The following LIMD1 variants were observed in gnomAD, a reference collection of about 807,000 sequenced individuals.
LIMD1 encodes the protein LIM domain containing 1.
A neutral mutation model predicts 58.4 loss-of-function variants in LIMD1; 23 were observed. That is an observed-to-expected ratio of 0.39 (90% CI 0.28 to 0.56). The LOEUF is 0.56. Among genes scored for constraint, LIMD1 ranks in the 20% least tolerant of loss-of-function variants. The pLI, the probability that LIMD1 is intolerant of heterozygous loss-of-function variation, is 0.57. For synonymous variants in LIMD1, 334 were observed against 345.5 expected (o/e 0.97, Z 0.37); for missense variants, 838 against 855.5 (o/e 0.98, Z 0.25).
intron 2 of LIMD1, among the ~76,000 whole-genome samples, chr3:45,660,405 C>CTTTTT (rs869301368): frequency 3.7e-5 from 3 of 80,006 alleles, no homozygotes; most frequent in African/African-American, 4.7e-5. Flanking sequence ...GGTGGGCTGT[C>CTTTTT]TTTTTTTTTT....
chr3:45,665,493 G>A (rs1697504242), intron 2 of LIMD1, among the ~76,000 whole-genome samples, 157 bp from the exon 3 acceptor site: 1 of 152,110 alleles, frequency 6.6e-6, no homozygotes, highest in African/African-American at 2.4e-5. Context: ...TCTCGCCGAG[G>A]GCCACGGCAT....
rs1697765641 is a variant in LIMD1, at chr3:45,683,157, AT to A, written c.*6100del. ...ATCTAGAATAATCTCCCATTTTGTG[AT>A]TCTTAATAACATCTGCAAAGCCTCT... On this transcript the variant is annotated 3_prime_UTR_variant, in exon 8 of 8. Transcript: ENST00000273317. The A allele has an allele frequency of 6.6e-6, 1 of 152,200 alleles. No individual in the cohort carries two copies. Among genetic ancestry groups the A allele is most frequent in the African/African-American group, 2.4e-5 (1 of 41,426 alleles). 9.4% of individuals were successfully genotyped at this position (152,200 alleles called of 1,614,324 possible). A position where few individuals can be genotyped will look rare whatever the true frequency, so the allele number is the denominator to read the frequency against.
In LIMD1 at chr3:45,685,905, T is replaced by C. The variant is rs1295235032; in HGVS notation, c.*8846T>C. On this transcript the variant is annotated 3_prime_UTR_variant, in exon 8 of 8. Coordinates refer to ENST00000273317, the MANE Select transcript of LIMD1 (RefSeq NM_014240.3). ...CACCTAGCCTTGTTTCCACCTGAAT[T>C]GACTCTCCCTTAGCTAAGACAGCCA... 1 of 152,248 alleles carries C rather than the reference T, an allele frequency of 6.6e-6. No individual in the cohort carries two copies. The highest frequency in any genetic ancestry group is 1.9e-4 in the East Asian group (1 of 5,198). The allele number at this position is 152,248 out of a possible 1,614,324, so 9.4% of individuals were successfully genotyped here.
intron 1 of LIMD1, among the ~76,000 whole-genome samples, chr3:45,600,396 C>T (rs1575340734): frequency 6.6e-6 from 1 of 152,190 alleles, no homozygotes; most frequent in African/African-American, 2.4e-5. Context: ...TTTCCAGTTA[C>T]TGATTAACTT....
chr3:45,625,451 G>A (rs1701660899), intron 1 of LIMD1, among the ~76,000 whole-genome samples: 1 of 152,054 alleles, frequency 6.6e-6, no homozygotes, highest in South Asian at 2.1e-4. Context: ...ACACCTTCCT[G>A]CTGACTCTGG....
At position 45,595,093 on chromosome 3, in the gene LIMD1, A is replaced by AG. The variant is rs763084797; in HGVS notation, c.219dup (p.Ser74GlufsTer2). Reference sequence around the variant, plus strand: ...GCTCCTGCAGGAGGAGACTCTGCCCAGGGGGAGTAGAGGCCCTGTCAATGG... The same window carrying AG: ...GCTCCTGCAGGAGGAGACTCTGCCCAGGGGGGAGTAGAGGCCCTGTCAATGG... On this transcript the variant is annotated frameshift_variant, in exon 1 of 8. Coordinates refer to ENST00000273317, the MANE Select transcript of LIMD1 (RefSeq NM_014240.3). LOFTEE classifies it high-confidence loss of function. The AG allele has an allele frequency of 6.2e-7, 1 of 1,612,744 alleles. No individual in the cohort carries two copies. Among genetic ancestry groups the AG allele is most frequent in the Non-Finnish European group, 8.5e-7 (1 of 1,179,602 alleles).
intron 2 of LIMD1, among the ~76,000 whole-genome samples, chr3:45,659,473 A>G (rs1373259084): frequency 2.6e-5 from 4 of 152,106 alleles, no homozygotes; most frequent in African/African-American, 4.8e-5. Context: ...CTGTAGCCCT[A>G]TCTACTCAGG....
Position 45,594,821 on chromosome 3 carries a change from A to ACACACACACACACAC in LIMD1, c.-58_-44dup, listed in dbSNP as rs1488507756. ...CACACACACACACACACACACACAC[A>ACACACACACACACAC]CACACACACACACACACACACACGG... On this transcript the variant is annotated 5_prime_UTR_variant, in exon 1 of 8. Coordinates refer to ENST00000273317, the MANE Select transcript of LIMD1 (RefSeq NM_014240.3). The ACACACACACACACAC allele has an allele frequency of 1.4e-6, 1 of 709,056 alleles. No individual in the cohort carries two copies. Among genetic ancestry groups the ACACACACACACACAC allele is most frequent in the African/African-American group, 2.2e-5 (1 of 45,272 alleles). The allele number at this position is 709,056 out of a possible 1,614,324, so 43.9% of individuals were successfully genotyped here.
chr3:45,667,378 A>G (rs1185136129), intron 3 of LIMD1, among the ~76,000 whole-genome samples: 1 of 152,198 alleles, frequency 6.6e-6, no homozygotes, highest in Non-Finnish European at 1.5e-5. Flanking sequence ...TCAAATGAAA[A>G]TAGAGAGCTA....
intron 2 of LIMD1, among the ~76,000 whole-genome samples, chr3:45,664,030 C>T (rs1697480219): frequency 1.3e-5 from 2 of 151,926 alleles, no homozygotes; most frequent in Non-Finnish European, 2.9e-5. Context: ...GCCACCATGC[C>T]CAGCTCTTTT....
chr3:45,673,455 G>T lies in LIMD1; in HGVS notation c.1774G>T (p.Val592Leu), dbSNP rs768873628. 1 of 1,613,802 alleles carries T rather than the reference G, an allele frequency of 6.2e-7. No homozygotes were observed. Among genetic ancestry groups the T allele is most frequent in the East Asian group, 2.2e-5 (1 of 44,880 alleles). ...TTGCTGCTTTGTTTCTCCCCACAGG[G>T]TGCTGGCCCCCAAGTGTGCAGCCTG... The part of the protein sequence containing the change: ...KIYCVRDYHK[V>L]LAPKCAACGL... Residue 592 changes from valine to leucine, a missense_variant and splice_region_variant, in exon 6 of 8, where the codon GTG (valine) becomes TTG (leucine). Around this residue, in one of 3 missense-constraint regions of LIMD1, gnomAD observed 174 missense variants for 197.4 expected, o/e 0.88. Coordinates refer to ENST00000273317, the MANE Select transcript of LIMD1 (RefSeq NM_014240.3).
At chr3:45,672,919 C>A in intron 5 of LIMD1, 99 bp downstream of exon 5, 1 of 1,428,704 alleles carries the variant, frequency 7.0e-7, no homozygotes. Flanking sequence ...TTGCCAGCCG[C>A]CCTTAGATCA....
chr3:45,615,252 A>G (rs1183216237), intron 1 of LIMD1, among the ~76,000 whole-genome samples: 1 of 152,214 alleles, frequency 6.6e-6, no homozygotes, highest in Non-Finnish European at 1.5e-5. Flanking sequence ...AGTAAGCCTT[A>G]TTTTAACAAG....
chr3:45,674,199 A>C, intron 6 of LIMD1, 144 bp from the exon 7 acceptor site: 1 of 595,466 alleles, frequency 1.7e-6, no homozygotes. Flanking sequence ...TCTTCCAGTA[A>C]GTACTCCTGA....
chr3:45,608,031 T>C (rs1701485245), intron 1 of LIMD1, among the ~76,000 whole-genome samples: 1 of 152,206 alleles, frequency 6.6e-6, no homozygotes, highest in African/African-American at 2.4e-5. Flanking sequence ...GTAGTAAATT[T>C]AGAAAGAAAT....
chr3:45,672,785 A>G lies in LIMD1; in HGVS notation c.1737A>G (p.Ser579=), dbSNP rs754640819. 1.2e-5 allele frequency: 20 copies of G among 1,613,948 alleles called. No individual in the cohort carries two copies. The South Asian group carries it at 2.1e-4, about 17-fold the overall frequency. ...ATGGGGTGCCCTTCACCGTGGACTC[A>G]GAGAACAAGATCTACTGTGTCCGAG... The part of the protein sequence containing the change: ...CLDGVPFTVD[S]ENKIYCVRDY... The change falls in exon 5 of 8, where the codon TCA becomes TCG. Residue 579 remains serine (S), a synonymous_variant. Coordinates refer to ENST00000273317, the MANE Select transcript of LIMD1 (RefSeq NM_014240.3).
chr3:45,673,329 GA>G (rs1218799781), intron 5 of LIMD1, 124 bp from the exon 6 acceptor site: 2 of 750,800 alleles, frequency 2.7e-6, no homozygotes, highest in Non-Finnish European at 4.8e-6. Context: ...GTCATTCTAT[GA>G]GGGAGGAGAG....
At chr3:45,613,096 G>T (rs1701542270) in intron 1 of LIMD1, 1 of 152,198 alleles carries the variant, frequency 6.6e-6, no homozygotes, top group African/African-American at 2.4e-5. Context: ...CACAGTGCTG[G>T]AGTGCTTTCT....
chr3:45,644,803 G>A (rs1016166039), intron 2 of LIMD1, among the ~76,000 whole-genome samples: 6 of 152,202 alleles, frequency 3.9e-5, no homozygotes, highest in Non-Finnish European at 4.4e-5. Context: ...AGGTTCAGCC[G>A]CTGCCTTGGG....
Sources: gnomAD v4.1 joint callset for allele counts (sites outside exome capture counted in the v4.1 genomes callset) on GRCh38, gnomAD v4.1.1 for gene constraint, gnomAD v4.1.1 regional missense constraint, MANE v1.5 for transcripts, NCBI Gene and HGNC (gene_info 2026-07-23, HGNC 2026-07-21) for gene names.